The following KLKB1 variants were observed in gnomAD, a reference collection of about 807,000 sequenced individuals.
KLKB1 encodes kallikrein B1.
In KLKB1, 58 loss-of-function variants were observed where a neutral mutation model predicts 73.6. The ratio of observed to expected loss-of-function variants is 0.79; its 90% CI spans 0.64 to 0.98. KLKB1 has a LOEUF of 0.98. KLKB1 is among the 50% of genes least tolerant of loss of function. The pLI is 0.00. For missense variants in KLKB1, 737 were observed against 763.8 expected (o/e 0.96, Z 0.41); for synonymous variants, 280 against 258.1 (o/e 1.08, Z -0.81).
intron 6 of KLKB1, among the ~76,000 whole-genome samples, chr4:186,244,037 A>T (rs1580012855): frequency 6.6e-6 from 1 of 152,284 alleles, no homozygotes; most frequent in African/African-American, 2.4e-5. Context: ...AAGTTGTTTG[A>T]ACAGAAAGGC....
rs547686692 is a variant in KLKB1, at chr4:186,254,858, G to A, written c.1489+95G>A. The A allele has an allele frequency of 2.6e-5, 29 of 1,122,392 alleles. No homozygotes were observed. In the South Asian group the frequency reaches 3.0e-4, roughly 12 times the overall value. The allele number at this position is 1,122,392 out of a possible 1,614,324, so 69.5% of individuals were successfully genotyped here. ...AGAGGGCAGACCTAGAGAGACTGTCGTCGTTTTCTGACTGGTGGAGTTGAG... is the reference window on the plus strand; with the variant it reads ...AGAGGGCAGACCTAGAGAGACTGTCATCGTTTTCTGACTGGTGGAGTTGAG... On this transcript the variant is annotated intron_variant, in intron 12 of 14. Transcript: ENST00000264690.
At position 186,258,157 on chromosome 4, in the gene KLKB1, T is replaced by A. The variant is rs1167151857; in HGVS notation, c.1862T>A (p.Ile621Asn). The A allele has an allele frequency of 3.7e-6, 6 of 1,614,078 alleles. No homozygotes were observed. The highest frequency in any genetic ancestry group is 5.1e-6 in the Non-Finnish European group (6 of 1,180,006). Residue 621 changes from isoleucine (I) to asparagine (N), a missense_variant, in exon 15 of 15, where the codon ATT becomes AAT. Transcript: ENST00000264690. ...YTKVAEYMDW[I>N]LEKTQSSDGK... is the part of the protein sequence containing the mutation. ...AAAGTCGCTGAGTACATGGACTGGA[T>A]TTTAGAGAAAACACAGAGCAGTGAT... is the stretch of plus-strand genomic sequence containing the variant.
At chr4:186,218,081 T>C (rs1306194943) in intron 2 of KLKB1, among the ~76,000 whole-genome samples, 1 of 152,234 alleles carries the variant, frequency 6.6e-6, no homozygotes, top group Non-Finnish European at 1.5e-5. Context: ...TGGCCATGGC[T>C]GTGTTTCAAT....
At chr4:186,256,568 TCA>T (rs1382728387) in intron 13 of KLKB1, among the ~76,000 whole-genome samples, 2 of 152,154 alleles carry the variant, frequency 1.3e-5, no homozygotes, top group Middle Eastern at 3.2e-3. Flanking sequence ...TTCAAGTAAT[TCA>T]CATTTTTAGA....
intron 5 of KLKB1, among the ~76,000 whole-genome samples, chr4:186,237,990 G>A (rs541676669): frequency 1.3e-5 from 2 of 152,174 alleles, no homozygotes; most frequent in Non-Finnish European, 2.9e-5. Flanking sequence ...CATTTTTCCT[G>A]AAGTTCCGTT....
chr4:186,214,796 C>A (rs1025036485), intron 2 of KLKB1, among the ~76,000 whole-genome samples: 1 of 152,220 alleles, frequency 6.6e-6, no homozygotes, highest in African/African-American at 2.4e-5. Context: ...ATCCTTGCCT[C>A]AGTTTCTTGT....
In KLKB1 at chr4:186,257,367, T is replaced by G; in HGVS notation, c.1725+2T>G. On this transcript the variant is annotated splice_donor_variant, in intron 14 of 14. Transcript: ENST00000264690. LOFTEE classifies it high-confidence loss of function. ...GAAGGGGGAAAAGATGCTTGTAAGG[T>G]AACTCATGAGATTATGAAAAACACA... 6.3e-7 allele frequency: 1 copy of G among 1,579,466 alleles called. No homozygotes were observed. Among genetic ancestry groups the G allele is most frequent in the South Asian group, 1.2e-5 (1 of 83,934 alleles).
chr4:186,214,965 T>C (rs1736845855), intron 2 of KLKB1, among the ~76,000 whole-genome samples: 2 of 152,214 alleles, frequency 1.3e-5, no homozygotes, highest in Admixed American at 1.3e-4. Flanking sequence ...CCCGTCACTT[T>C]CTTTCTGTTG....
At chr4:186,243,814 G>A (rs1738183390) in intron 6 of KLKB1, among the ~76,000 whole-genome samples, 1 of 152,248 alleles carries the variant, frequency 6.6e-6, no homozygotes, top group Non-Finnish European at 1.5e-5. Flanking sequence ...GCGGGGCAGA[G>A]CAGTAGCCTC....
intron 2 of KLKB1, among the ~76,000 whole-genome samples, chr4:186,219,539 T>C (rs191152595): frequency 6.6e-6 from 1 of 152,308 alleles, no homozygotes; most frequent in Admixed American, 6.5e-5. Context: ...AAAATGAAGA[T>C]ATTTTCTTAG....
rs7697077 is a variant in KLKB1 at position 186,211,005 on chromosome 4, T to G, written c.201+1733T>G. ...GTGCCTGCCACCATGCCTGGCTAAT[T>G]TTTTTGTATTTTTAGTAGAAACAGG... On this transcript the variant is annotated intron_variant, in intron 2 of 14. Coordinates refer to the KLKB1 transcript ENST00000511608. 0.84 allele frequency: 188,635 copies of G among 223,576 alleles called. 80,637 individuals are homozygous for G. Among genetic ancestry groups the G allele is most frequent in the East Asian group, 0.93 (7,328 of 7,848 alleles). 13.8% of individuals were successfully genotyped at this position (223,576 alleles called of 1,614,324 possible).
intron 6 of KLKB1, among the ~76,000 whole-genome samples, chr4:186,242,459 G>A (rs899004527): frequency 2.0e-5 from 3 of 152,128 alleles, no homozygotes; most frequent in Non-Finnish European, 2.9e-5. Context: ...ATTAGGGGCG[G>A]CGTGGGAACC....
chr4:186,257,884 C>T, intron 14 of KLKB1, 137 bp from the exon 15 acceptor site: 1 of 831,590 alleles, frequency 1.2e-6, no homozygotes, highest in Non-Finnish European at 2.0e-6. Context: ...GTGATGAAAC[C>T]CATCTCTACA....
rs904156255 is a variant in KLKB1 at position 186,250,981 on chromosome 4, T to C, written c.759-238T>C. The C allele has an allele frequency of 2.7e-5, 14 of 512,956 alleles. No homozygotes were observed. In the Admixed American group the frequency reaches 3.0e-4, roughly 11 times the overall value. 31.8% of individuals were successfully genotyped at this position (512,956 alleles called of 1,614,324 possible). A position where few individuals can be genotyped will look rare whatever the true frequency, so the allele number is the denominator to read the frequency against. On this transcript the variant is annotated intron_variant, in intron 7 of 14. Coordinates refer to ENST00000264690, the MANE Select transcript of KLKB1 (RefSeq NM_000892.5). ...CCAGTTAGAAGGTGGAACTTCATCA[T>C]TGTCCTCTTTTCAGGTTGTCTGTGC...
chr4:186,225,846 AT>A (rs1236466622), upstream of KLKB1, among the ~76,000 whole-genome samples: 6 of 152,118 alleles, frequency 3.9e-5, no homozygotes, highest in African/African-American at 7.2e-5. Flanking sequence ...ATTTTTTTAA[AT>A]AAGTTTCTGC....
intron 2 of KLKB1, among the ~76,000 whole-genome samples, chr4:186,216,773 G>A (rs779253226): frequency 7.9e-5 from 12 of 152,150 alleles, no homozygotes; most frequent in Admixed American, 2.0e-4. Flanking sequence ...CAGCGCTGGA[G>A]CACTTCCCTG....
At chr4:186,227,277 G>A (rs913606883), upstream of KLKB1, 4 of 152,116 alleles carry the variant, frequency 2.6e-5, no homozygotes, top group African/African-American at 9.7e-5. Context: ...AGTTATTTTC[G>A]TGCATGGATA....
At chr4:186,216,657 T>A (rs1364608456) in intron 2 of KLKB1, among the ~76,000 whole-genome samples, 1 of 152,178 alleles carries the variant, frequency 6.6e-6, no homozygotes, top group Non-Finnish European at 1.5e-5. Context: ...GTGCAGTTTG[T>A]TGGAATATTC....
intron 6 of KLKB1, among the ~76,000 whole-genome samples, chr4:186,249,782 C>T (rs775070065): frequency 1.8e-4 from 27 of 152,232 alleles, no homozygotes; most frequent in Non-Finnish European, 3.7e-4. Flanking sequence ...GATATAAGAT[C>T]ATATTAATGT....
Sources: allele counts gnomAD v4.1 joint callset (sites outside exome capture counted in the v4.1 genomes callset), GRCh38; gene constraint gnomAD v4.1.1; transcripts MANE v1.5; gene names NCBI Gene and HGNC (gene_info 2026-07-23, HGNC 2026-07-21).